IPO11: variants seen among roughly 807,000 people sequenced by gnomAD.
IPO11 encodes importin 11.
In IPO11, 66 loss-of-function variants were observed where a neutral mutation model predicts 143.2. That is an observed-to-expected ratio of 0.46 (90% CI 0.38 to 0.57). The LOEUF is 0.57. IPO11 is among the 20% of genes least tolerant of loss of function. The probability of loss-of-function intolerance (pLI) is 0.00; values close to 1 mark genes in which losing one functional copy is unlikely to be tolerated. For synonymous variants in IPO11, 385 were observed against 377.8 expected (o/e 1.02, Z -0.22); for missense variants, 1,026 against 1,141.0 (o/e 0.90, Z 1.45).
intron 7 of IPO11, among the ~76,000 whole-genome samples, chr5:62,472,410 A>G (rs1316545398): frequency 3.9e-5 from 6 of 152,204 alleles, no homozygotes; most frequent in African/African-American, 1.4e-4. Flanking sequence ...CTGGTTGCAT[A>G]AATCACATGT....
chr5:62,458,990 T>C (rs1745264132), intron 5 of IPO11, among the ~76,000 whole-genome samples: 1 of 152,214 alleles, frequency 6.6e-6, no homozygotes, highest in Non-Finnish European at 1.5e-5. Flanking sequence ...CATCTATTTA[T>C]CTGACAAATA....
chr5:62,500,459 A>G (rs1319337855), intron 16 of IPO11, among the ~76,000 whole-genome samples: 15 of 152,168 alleles, frequency 9.9e-5, no homozygotes. Flanking sequence ...TATTTTCATT[A>G]TTAAGTATTA....
intron 29 of IPO11, among the ~76,000 whole-genome samples, chr5:62,612,377 AAAG>A (rs1197533631): frequency 1.3e-5 from 2 of 152,212 alleles, no homozygotes; most frequent in African/African-American, 4.8e-5. Context: ...GTGTAGTTTC[AAAG>A]AAGAATATCC....
intron 20 of IPO11, among the ~76,000 whole-genome samples, chr5:62,519,155 C>T (rs1371124313): frequency 6.6e-6 from 1 of 151,968 alleles, no homozygotes; most frequent in Non-Finnish European, 1.5e-5. Flanking sequence ...GGTGGTTTAG[C>T]AATGAGAGTG....
At chr5:62,563,798 G>A (rs968647430) in intron 27 of IPO11, among the ~76,000 whole-genome samples, 4 of 150,768 alleles carry the variant, frequency 2.7e-5, no homozygotes, top group African/African-American at 9.7e-5. Flanking sequence ...CTCAGATTTG[G>A]GCCATTTCAG....
At chr5:62,598,625 A>G (rs1745381924) in intron 28 of IPO11, among the ~76,000 whole-genome samples, 2 of 142,256 alleles carry the variant, frequency 1.4e-5, no homozygotes, top group South Asian at 4.6e-4. Context: ...GCTCATTGCA[A>G]CCTCTGCCTA....
chr5:62,481,535 TG>T (rs749804630), intron 9 of IPO11, among the ~76,000 whole-genome samples: 8 of 152,230 alleles, frequency 5.3e-5, no homozygotes, highest in Non-Finnish European at 1.2e-4. Flanking sequence ...TTTTTATCTT[TG>T]GGTCTGTTTA....
chr5:62,433,997 C>T (rs778371054), intron 1 of IPO11, among the ~76,000 whole-genome samples: 3 of 152,126 alleles, frequency 2.0e-5, no homozygotes, highest in Non-Finnish European at 2.9e-5. Flanking sequence ...TCCTATCCTG[C>T]GTCTATTTTT....
At chr5:62,431,117 C>G (rs879868616) in intron 1 of IPO11, among the ~76,000 whole-genome samples, 2 of 151,874 alleles carry the variant, frequency 1.3e-5, no homozygotes. Context: ...GCTGGGACTA[C>G]AGGCATGTGC....
rs1742577063 is a variant in IPO11, at chr5:62,532,321, TGTA to T, written c.2089+1539_2089+1541del. ...GTGTAGCTTTAGGTAAGTGCTCTAG[TGTA>T]GTGGTTTTTTTTGTTGGTGGTGGTT... On this transcript the variant is annotated intron_variant, in intron 22 of 29. Transcript: ENST00000325324. 2.0e-5 allele frequency among the ~76,000 whole-genome samples: 3 copies of T among 152,190 alleles called. No homozygotes were observed. The South Asian group carries it at 6.2e-4, about 32-fold the overall frequency.
In IPO11 at chr5:62,504,658, T is replaced by C. The variant is rs1383680914; in HGVS notation, c.1591-9T>C. 1 of 1,432,972 alleles carries C rather than the reference T, an allele frequency of 7.0e-7. No individual in the cohort carries two copies. Among genetic ancestry groups the C allele is most frequent in the Non-Finnish European group, 9.6e-7 (1 of 1,045,546 alleles). 88.8% of individuals were successfully genotyped at this position (1,432,972 alleles called of 1,614,324 possible). Reference sequence around the variant, plus strand: ...AATAATTAAAAACTAATGATATACTTTCTTTTAGGTCCGTATTGAAACAGC... The same window carrying C: ...AATAATTAAAAACTAATGATATACTCTCTTTTAGGTCCGTATTGAAACAGC... On this transcript the variant is annotated splice_polypyrimidine_tract_variant and intron_variant, in intron 16 of 29. Transcript: ENST00000325324.
chr5:62,542,575 A>C (rs1742997937), intron 24 of IPO11, among the ~76,000 whole-genome samples: 2 of 152,174 alleles, frequency 1.3e-5, no homozygotes, highest in African/African-American at 4.8e-5. Context: ...TGTTATACTA[A>C]TTTTTGACAG....
intron 29 of IPO11, among the ~76,000 whole-genome samples, chr5:62,615,953 T>C (rs1484758484): frequency 6.6e-6 from 1 of 151,238 alleles, no homozygotes; most frequent in African/African-American, 2.4e-5. Flanking sequence ...ATTTAACACA[T>C]GACAAAATGG....
intron 29 of IPO11, among the ~76,000 whole-genome samples, chr5:62,624,980 CAAAAA>C (rs141431600): frequency 1.1e-5 from 1 of 89,716 alleles, no homozygotes; most frequent in Non-Finnish European, 2.2e-5. Flanking sequence ...GCGAGAGACT[CAAAAA>C]AAAAAAAAAA....
intron 22 of IPO11, among the ~76,000 whole-genome samples, chr5:62,536,024 C>T (rs1345387187): frequency 2.6e-5 from 4 of 152,148 alleles, no homozygotes; most frequent in African/African-American, 7.2e-5. Context: ...TTCTACTCTG[C>T]ACTTGCAAAG....
chr5:62,607,288 G>A (rs1027478073), intron 29 of IPO11, among the ~76,000 whole-genome samples: 1 of 152,156 alleles, frequency 6.6e-6, no homozygotes, highest in Admixed American at 6.5e-5. Context: ...ACTGTTATGA[G>A]TTGAAACTAT....
intron 19 of IPO11, among the ~76,000 whole-genome samples, chr5:62,507,735 A>G (rs1312899764): frequency 2.0e-5 from 3 of 152,220 alleles, no homozygotes; most frequent in Non-Finnish European, 4.4e-5. Flanking sequence ...TTTAAATAGA[A>G]ATGGGTCTTC....
At chr5:62,520,580 G>A (rs1481214562) in intron 20 of IPO11, among the ~76,000 whole-genome samples, 1 of 152,138 alleles carries the variant, frequency 6.6e-6, no homozygotes, top group Non-Finnish European at 1.5e-5. Flanking sequence ...GTGTCCAAGT[G>A]TTCTCATTGT....
chr5:62,599,840 A>C (rs1435561868), intron 28 of IPO11, among the ~76,000 whole-genome samples: 1 of 152,206 alleles, frequency 6.6e-6, no homozygotes, highest in Non-Finnish European at 1.5e-5. Context: ...CGTATCTTTT[A>C]TGTAAAGCGT....
Sources: allele counts gnomAD v4.1 joint callset (sites outside exome capture counted in the v4.1 genomes callset), GRCh38; gene constraint gnomAD v4.1.1; transcripts MANE v1.5; gene names NCBI Gene and HGNC (gene_info 2026-07-23, HGNC 2026-07-21).